FSTL5: variants seen among roughly 807,000 people sequenced by gnomAD.
FSTL5 encodes the protein follistatin-related protein 5.
Under a neutral mutation model 89.1 loss-of-function variants are expected in FSTL5, and 62 were observed. The observed-to-expected ratio is 0.70, with a 90% CI of 0.57 to 0.86. FSTL5 has a LOEUF of 0.86. Among genes scored for constraint, FSTL5 ranks in the 40% least tolerant of loss-of-function variants. The probability of loss-of-function intolerance (pLI) is 0.00; values close to 1 mark genes in which losing one functional copy is unlikely to be tolerated. For synonymous variants in FSTL5, 383 were observed against 346.2 expected (o/e 1.11, Z -1.18); for missense variants, 1,057 against 1,001.6 (o/e 1.06, Z -0.75).
rs565813042 is a variant in FSTL5, at chr4:161,418,748, AC to A, written c.1842-32300del. On this transcript the variant is annotated intron_variant, in intron 15 of 15. Coordinates refer to ENST00000306100, the MANE Select transcript of FSTL5 (RefSeq NM_020116.5). ...TAGTTTAAAGTCACAATTTCCAAGAACCTATTAATGATGGTAAGGACTTACT... is the reference window on the plus strand; with the variant it reads ...TAGTTTAAAGTCACAATTTCCAAGAACTATTAATGATGGTAAGGACTTACT... 6.0e-3 allele frequency among the ~76,000 whole-genome samples: 920 copies of A among 152,298 alleles called. 5 individuals carry two copies. The highest frequency in any genetic ancestry group is 9.5e-3 in the Non-Finnish European group (645 of 68,016).
At chr4:161,482,414 T>C (rs1729544077) in intron 12 of FSTL5, among the ~76,000 whole-genome samples, 1 of 152,180 alleles carries the variant, frequency 6.6e-6, no homozygotes, top group Non-Finnish European at 1.5e-5. Context: ...TGTCTGACAA[T>C]TAACAACGTC....
chr4:161,577,984 TC>T (rs1733288724), intron 8 of FSTL5, among the ~76,000 whole-genome samples: 1 of 152,106 alleles, frequency 6.6e-6, no homozygotes, highest in South Asian at 2.1e-4. Context: ...GTTTTTTTTT[TC>T]TTTTTTAAAG....
chr4:161,926,778 C>T (rs1049000181), intron 3 of FSTL5, among the ~76,000 whole-genome samples: 1 of 151,702 alleles, frequency 6.6e-6, no homozygotes, highest in Non-Finnish European at 1.5e-5. Flanking sequence ...GGTGATTTCT[C>T]TTATTATCTT....
rs139443174 is a variant in FSTL5, at chr4:161,775,394, G to T, written c.606+484C>A. 4.9e-3 allele frequency among the ~76,000 whole-genome samples: 750 copies of T among 152,218 alleles called. 9 individuals carry two copies. The highest frequency in any genetic ancestry group is 0.017 in the Middle Eastern group (5 of 294). On this transcript the variant is annotated intron_variant, in intron 5 of 15. Transcript: ENST00000306100. Reference sequence around the variant, plus strand: ...ACTACTAAAACAAACTGAATATGCAGTAATTGGTCCTTAATTATTGAAGAA... The same window carrying T: ...ACTACTAAAACAAACTGAATATGCATTAATTGGTCCTTAATTATTGAAGAA...
chr4:161,504,548 G>T (rs1730411975), intron 11 of FSTL5, among the ~76,000 whole-genome samples: 3 of 150,304 alleles, frequency 2.0e-5, no homozygotes, highest in African/African-American at 2.5e-5. Flanking sequence ...TGGGTTGATT[G>T]TTAATCTAAC....
chr4:162,047,140 C>T (rs1367076035), intron 2 of FSTL5, among the ~76,000 whole-genome samples: 1 of 152,050 alleles, frequency 6.6e-6, no homozygotes, highest in Non-Finnish European at 1.5e-5. Context: ...AACTAAGCTT[C>T]TTCATAAGGA....
intron 4 of FSTL5, among the ~76,000 whole-genome samples, chr4:161,805,127 A>G (rs1038012162): frequency 1.3e-5 from 2 of 152,078 alleles, no homozygotes; most frequent in Admixed American, 6.6e-5. Flanking sequence ...TCACACTTCA[A>G]TACCTTCCAA....
In FSTL5 at chr4:161,601,328, G is replaced by A. The variant is rs1369432821; in HGVS notation, c.895-13753C>T. Among the ~76,000 whole-genome samples the A allele has an allele frequency of 8.0e-5, 4 of 50,062 alleles. No homozygotes were observed. The East Asian group carries it at 2.1e-3, about 26-fold the overall frequency. The allele number at this position is 50,062 out of a possible 152,430, so 32.8% of individuals were successfully genotyped here. A position where few individuals can be genotyped will look rare whatever the true frequency, so the allele number is the denominator to read the frequency against. On this transcript the variant is annotated intron_variant, in intron 7 of 15. Transcript: ENST00000306100. The stretch of plus-strand genomic sequence containing the variant: ...TAGTGACACAAAGTCTTAAATAGTT[G>A]GAAAAAAAAAAAAAAAAAAAAAGGC...
chr4:161,465,793 T>C (rs1283867222), intron 13 of FSTL5, among the ~76,000 whole-genome samples: 1 of 152,238 alleles, frequency 6.6e-6, no homozygotes, highest in Non-Finnish European at 1.5e-5. Context: ...ATTTCTCTCC[T>C]ACATAATAAT....
At chr4:161,856,196 A>G (rs2126885539) in intron 4 of FSTL5, among the ~76,000 whole-genome samples, 1 of 152,212 alleles carries the variant, frequency 6.6e-6, no homozygotes, top group Middle Eastern at 3.4e-3. Flanking sequence ...GTGTACCCAA[A>G]GCAATATGAA....
At position 161,392,058 on chromosome 4, in the gene FSTL5, T is replaced by C. The variant is rs554473179; in HGVS notation, c.1842-5609A>G. ...TTTTCTTTCAGTATTCTATTTATTC[T>C]GATATGTAGGGACTCTAATTGTTCT... is the stretch of plus-strand genomic sequence containing the variant. On this transcript the variant is annotated intron_variant, in intron 15 of 15. Transcript: ENST00000306100. Among the ~76,000 whole-genome samples the C allele has an allele frequency of 8.5e-5, 13 of 152,284 alleles. 1 individual carries two copies. The South Asian group carries it at 2.7e-3, about 32-fold the overall frequency.
chr4:161,704,036 C>G (rs1407735146), intron 6 of FSTL5, among the ~76,000 whole-genome samples: 2 of 152,088 alleles, frequency 1.3e-5, no homozygotes, highest in Non-Finnish European at 2.9e-5. Flanking sequence ...TTGGGTCCCC[C>G]AAACCACTAA....
At chr4:161,786,500 T>A (rs2126815588) in intron 4 of FSTL5, among the ~76,000 whole-genome samples, 1 of 152,170 alleles carries the variant, frequency 6.6e-6, no homozygotes, top group South Asian at 2.1e-4. Flanking sequence ...TCTGTAAGAG[T>A]CCTATGAGAG....
At chr4:162,007,684 A>C (rs1484956364) in intron 3 of FSTL5, among the ~76,000 whole-genome samples, 1 of 151,744 alleles carries the variant, frequency 6.6e-6, no homozygotes. Flanking sequence ...ATTTGATGTG[A>C]CTCTCTGCCG....
intron 6 of FSTL5, among the ~76,000 whole-genome samples, chr4:161,708,671 T>G (rs1017885503): frequency 5.3e-5 from 8 of 152,078 alleles, no homozygotes; most frequent in Non-Finnish European, 1.0e-4. Context: ...TTTCCATGAC[T>G]GCGACTTTGT....
At chr4:161,916,981 T>C (rs1733858986) in intron 4 of FSTL5, among the ~76,000 whole-genome samples, 1 of 152,210 alleles carries the variant, frequency 6.6e-6, no homozygotes, top group South Asian at 2.1e-4. Flanking sequence ...AGAGTCTTGC[T>C]CTGCCACCCA....
rs192646525 is a variant in FSTL5, at chr4:161,536,133, G to T, written c.1312+2033C>A. On this transcript the variant is annotated intron_variant, in intron 10 of 15. Transcript: ENST00000306100. ...GCATGGGCTGAAAGATAATCTATTGGGTACTATGCTCACTACCTGGATGAT... is the reference window on the plus strand; with the variant it reads ...GCATGGGCTGAAAGATAATCTATTGTGTACTATGCTCACTACCTGGATGAT... 2.6e-5 allele frequency among the ~76,000 whole-genome samples: 4 copies of T among 151,904 alleles called. No individual in the cohort carries two copies. In the East Asian group the frequency reaches 7.8e-4, roughly 30 times the overall value.
intron 15 of FSTL5, among the ~76,000 whole-genome samples, chr4:161,396,255 C>T (rs1730992933): frequency 6.6e-6 from 1 of 151,938 alleles, no homozygotes; most frequent in South Asian, 2.1e-4. Flanking sequence ...TGGTGGGCCA[C>T]ACTATAGATT....
At chr4:161,722,084 C>T (rs1739238898) in intron 6 of FSTL5, among the ~76,000 whole-genome samples, 1 of 152,028 alleles carries the variant, frequency 6.6e-6, no homozygotes, top group South Asian at 2.1e-4. Flanking sequence ...TTTCATTTCT[C>T]TCTGGAATGA....
Sources: gnomAD v4.1 joint callset for allele counts (sites outside exome capture counted in the v4.1 genomes callset) on GRCh38, gnomAD v4.1.1 for gene constraint, MANE v1.5 for transcripts, NCBI Gene and HGNC (gene_info 2026-07-23, HGNC 2026-07-21) for gene names.